PTPN7: variants seen among roughly 807,000 people sequenced by gnomAD.
The protein encoded by PTPN7 is tyrosine-protein phosphatase non-receptor type 7.
In PTPN7, 33 loss-of-function variants were observed where a neutral mutation model predicts 50.3. The observed-to-expected ratio is 0.66, with a 90% CI of 0.50 to 0.88. The LOEUF is 0.88. Ranked by LOEUF, PTPN7 falls within the 40% of genes least tolerant of loss-of-function variation. PTPN7 has a pLI of 0.00. For missense variants in PTPN7, 412 were observed against 475.4 expected, an observed-to-expected ratio of 0.87 and a Z score of 1.24; for synonymous variants, 185 against 186.6, an observed-to-expected ratio of 0.99 and a Z score of 0.07.
chr1:202,158,533 G>GTTTTT, intron 2 of PTPN7: 3 of 363,190 alleles, frequency 8.3e-6, no homozygotes, highest in East Asian at 5.2e-5. Context: ...GCTAATTTAA[G>GTTTTT]TTTTTTTTTT....
chr1:202,160,799 C>T, upstream of PTPN7: 1 of 1,542,770 alleles, frequency 6.5e-7, no homozygotes, highest in Non-Finnish European at 8.8e-7. This position sits in a 1 kb window ranked among gnomAD's most constrained non-coding sequence, Gnocchi z 4.8. Context: ...GCCAGGCCTT[C>T]CCGACCATCC....
At position 202,159,624 on chromosome 1, in the gene PTPN7, G is replaced by C; in HGVS notation, c.-52-170C>G. 6.8e-7 allele frequency: 1 copy of C among 1,473,734 alleles called. No homozygotes were observed. Among genetic ancestry groups the C allele is most frequent in the Non-Finnish European group, 9.0e-7 (1 of 1,116,194 alleles). The allele number at this position is 1,473,734 out of a possible 1,614,324, so 91.3% of individuals were successfully genotyped here. A position where few individuals can be genotyped will look rare whatever the true frequency, so the allele number is the denominator to read the frequency against. On this transcript the variant is annotated intron_variant, in intron 1 of 9. Transcript: ENST00000691036. This position sits in a 1 kb window ranked among gnomAD's most constrained non-coding sequence, Gnocchi z 4.6. Reference sequence around the variant, plus strand: ...GACAGGATCTATTTGGTGGGACCCAGGGCAGAAGGCAGTCTCGGGGTAGAG... The same window carrying C: ...GACAGGATCTATTTGGTGGGACCCACGGCAGAAGGCAGTCTCGGGGTAGAG...
At position 202,158,290 on chromosome 1, in the gene PTPN7, T is replaced by C; in HGVS notation, c.134A>G (p.Asn45Ser). ...CCGAACGTCCAGCATCAGAGCCACA[T>C]TGGAGCCCCGCCTGCAGGCATAGCC... is the stretch of plus-strand genomic sequence containing the variant. ...HVRLQERRGS[N>S]VALMLDVRSL... Residue 45 changes from asparagine (N) to serine (S), a missense_variant, in exon 3 of 10, where the codon AAT becomes AGT. Coordinates refer to ENST00000691036, the MANE Select transcript of PTPN7 (RefSeq NM_002832.4). 1.9e-6 allele frequency: 3 copies of C among 1,614,076 alleles called. No individual in the cohort carries two copies. The highest frequency in any genetic ancestry group is 1.6e-4 in the Middle Eastern group (1 of 6,062).
In PTPN7 at chr1:202,148,592, G is replaced by C. The variant is rs886583267; in HGVS notation, c.*14C>G. ...AGGGAGGTAGGCACCTGGGCCACCGGAGGGTGGCAGGGGTCAGGGGCTGGG... is the reference window on the plus strand; with the variant it reads ...AGGGAGGTAGGCACCTGGGCCACCGCAGGGTGGCAGGGGTCAGGGGCTGGG... On this transcript the variant is annotated 3_prime_UTR_variant, in exon 10 of 10. Transcript: ENST00000691036. The C allele has an allele frequency of 1.2e-6, 2 of 1,610,904 alleles. No homozygotes were observed. The highest frequency in any genetic ancestry group is 2.2e-5 in the South Asian group (2 of 90,908).
At chr1:202,161,354 C>T, upstream of PTPN7, 1 of 1,221,764 alleles carries the variant, frequency 8.2e-7, no homozygotes, top group Non-Finnish European at 1.1e-6. Context: ...CAGGCCTCCT[C>T]CCAGAACCCT....
In PTPN7 at chr1:202,150,392, G is replaced by A; in HGVS notation, c.908C>T (p.Ala303Val). 2 of 1,611,914 alleles carry A rather than the reference G, an allele frequency of 1.2e-6. No individual in the cohort carries two copies. Among genetic ancestry groups the A allele is most frequent in the Middle Eastern group, 1.7e-4 (1 of 5,924 alleles). Residue 303 changes from alanine to valine, a missense_variant, in exon 9 of 10, where the codon GCC becomes GTC. Transcript: ENST00000691036. ...CAGCTGTTGACAGCCAATTCGCGTG[G>A]CGATGAAGCAGCCCGTCCGGCCAAT... ...AGIGRTGCFI[A>V]TRIGCQQLKA...
At chr1:202,155,634 T>C (rs1656576686) in intron 4 of PTPN7, 25 bp from the exon 5 acceptor site, 1 of 1,526,118 alleles carries the variant, frequency 6.6e-7, no homozygotes, top group African/African-American at 1.4e-5. Flanking sequence ...TCAGCAGAGG[T>C]CAGAGGTCAG....
chr1:202,150,116 A>G, intron 9 of PTPN7, 195 bp downstream of exon 9: 2 of 522,176 alleles, frequency 3.8e-6, no homozygotes, highest in Non-Finnish European at 7.0e-6. Context: ...TACAGGTGTG[A>G]GCCACCGCAC....
intron 4 of PTPN7, among the ~76,000 whole-genome samples, chr1:202,157,132 A>G (rs530844276): frequency 1.3e-4 from 20 of 152,256 alleles, no homozygotes; most frequent in Admixed American, 1.2e-3. Flanking sequence ...AAGATATTCA[A>G]CTTCTCTGTG....
intron 6 of PTPN7, 101 bp downstream of exon 6, chr1:202,154,085 C>T: frequency 6.5e-7 from 1 of 1,545,602 alleles, no homozygotes. Flanking sequence ...GGGCTGGCTC[C>T]CAGGGAAACC....
chr1:202,153,820 A>G lies in PTPN7; in HGVS notation c.622T>C (p.Trp208Arg). 6.2e-7 allele frequency: 1 copy of G among 1,613,710 alleles called. No homozygotes were observed. Among genetic ancestry groups the G allele is most frequent in the South Asian group, 1.1e-5 (1 of 91,076 alleles). ...REGKEKCVHY[W>R]PTEEETYGPF... ...CCATAGGTTTCCTCTTCTGTGGGCC[A>G]GTAGTGGACACATTTCTAGGAGGGA... The change falls in exon 7 of 10, where the codon TGG becomes CGG. Residue 208 changes from tryptophan to arginine, a missense_variant. Physicochemically the swap from Trp to Arg is moderately radical, Grantham distance 101. Coordinates refer to ENST00000691036, the MANE Select transcript of PTPN7 (RefSeq NM_002832.4).
rs1656331125 is a variant in PTPN7 at position 202,153,837 on chromosome 1, T to C, written c.607-2A>G. The stretch of plus-strand genomic sequence containing the variant: ...TGTGGGCCAGTAGTGGACACATTTC[T>C]AGGAGGGAGGGAGCTGGGAGTCAGA... On this transcript the variant is annotated splice_acceptor_variant, in intron 6 of 9. Coordinates refer to ENST00000691036, the MANE Select transcript of PTPN7 (RefSeq NM_002832.4). LOFTEE classifies it high-confidence loss of function. 2 of 1,611,146 alleles carry C rather than the reference T, an allele frequency of 1.2e-6. No homozygotes were observed. The highest frequency in any genetic ancestry group is 8.5e-7 in the Non-Finnish European group (1 of 1,177,380).
At position 202,148,636 on chromosome 1, in the gene PTPN7, T is replaced by G. The variant is rs766676354; in HGVS notation, c.1053A>C (p.Ala351=). 1.2e-6 allele frequency: 2 copies of G among 1,613,802 alleles called. No individual in the cohort carries two copies. The highest frequency in any genetic ancestry group is 1.7e-5 in the Admixed American group (1 of 59,976). ...GGCTGGGTTCCTCAGGCAGCTGGCC[T>G]GCATACAGGGCCAAAGTGTGGTGCA... ...QFLHHTLALY[A]GQLPEEPSP The change falls in exon 10 of 10, where the codon GCA becomes GCC. Residue 351 remains alanine (A), a synonymous_variant. Transcript: ENST00000691036.
intron 8 of PTPN7, among the ~76,000 whole-genome samples, chr1:202,150,986 G>C (rs754158614): frequency 5.3e-5 from 8 of 152,066 alleles, no homozygotes; most frequent in Non-Finnish European, 1.2e-4. Flanking sequence ...ACATGTCCCA[G>C]TGCTACCTGT....
chr1:202,160,699 G>A (rs751941440), upstream of PTPN7: 20 of 1,550,338 alleles, frequency 1.3e-5, no homozygotes, highest in Admixed American at 1.2e-4. This position sits in a 1 kb window ranked among gnomAD's most constrained non-coding sequence, Gnocchi z 4.8. Context: ...CTGCCCTCCT[G>A]TGCCTGCTGC....
At chr1:202,149,491 CTG>C (rs1189391367) in intron 9 of PTPN7, among the ~76,000 whole-genome samples, 1 of 152,200 alleles carries the variant, frequency 6.6e-6, no homozygotes, top group African/African-American at 2.4e-5. Flanking sequence ...GCCATTATCT[CTG>C]TCTAGATAAA....
chr1:202,155,660 CA>C, intron 4 of PTPN7, 51 bp from the exon 5 acceptor site: 1 of 1,460,222 alleles, frequency 6.8e-7, no homozygotes, highest in Non-Finnish European at 9.6e-7. Context: ...GACCAACTAA[CA>C]CAGACTCAAG....
At chr1:202,160,905 G>A (rs957188817), upstream of PTPN7, 33 of 1,454,034 alleles carry the variant, frequency 2.3e-5, no homozygotes, top group African/African-American at 8.5e-5. The surrounding 1 kb of genome is among the most constrained non-coding windows in gnomAD (Gnocchi z 4.8). Context: ...GGCACAGCTC[G>A]CCTGACCCCC....
intron 9 of PTPN7, 114 bp from the exon 10 acceptor site, chr1:202,148,813 C>A: frequency 3.1e-5 from 16 of 520,640 alleles, no homozygotes; most frequent in Middle Eastern, 3.2e-4. Flanking sequence ...TCTCAAAGAA[C>A]ATGCCAACTC....
Sources: gnomAD v4.1 joint callset for allele counts (sites outside exome capture counted in the v4.1 genomes callset) on GRCh38, gnomAD v4.1.1 for gene constraint, Gnocchi (gnomAD v3.1) non-coding constraint, MANE v1.5 for transcripts, NCBI Gene and HGNC (gene_info 2026-07-23, HGNC 2026-07-21) for gene names.